Variants in CYTH1 observed in about 807,000 individuals in gnomAD.
CYTH1 encodes cytohesin 1, also known as cytohesin-1.
A neutral mutation model predicts 61.8 loss-of-function variants in CYTH1; 18 were observed. The ratio of observed to expected loss-of-function variants is 0.29; its 90% CI spans 0.20 to 0.43. The LOEUF (loss-of-function observed/expected upper bound fraction) is 0.43. Ranked by LOEUF, CYTH1 falls within the 20% of genes least tolerant of loss-of-function variation. The pLI, the probability that CYTH1 is intolerant of heterozygous loss-of-function variation, is 1.00. For missense variants in CYTH1, 336 were observed against 510.5 expected (o/e 0.66, Z 3.29); for synonymous variants, 174 against 184.3 (o/e 0.94, Z 0.45).
intron 1 of CYTH1, among the ~76,000 whole-genome samples, chr17:78,761,602 G>C (rs1404782600): frequency 6.6e-6 from 1 of 152,158 alleles, no homozygotes; most frequent in Non-Finnish European, 1.5e-5. Context: ...GCCGGGCGTG[G>C]TGGCGGGCAC....
chr17:78,695,873 C>G, intron 10 of CYTH1, 134 bp downstream of exon 10: 1 of 1,273,176 alleles, frequency 7.9e-7, no homozygotes, highest in Non-Finnish European at 1.0e-6. Context: ...AGGGACTGTA[C>G]AATAAGTTAG....
intron 1 of CYTH1, among the ~76,000 whole-genome samples, chr17:78,725,219 C>T (rs1328179423): frequency 6.6e-6 from 1 of 152,188 alleles, no homozygotes; most frequent in Non-Finnish European, 1.5e-5. Flanking sequence ...TTACCTCCTA[C>T]AGGGAGAACT....
At chr17:78,711,393 T>C (rs1164029857) in intron 1 of CYTH1, among the ~76,000 whole-genome samples, 2 of 151,892 alleles carry the variant, frequency 1.3e-5, no homozygotes, top group South Asian at 2.1e-4. Context: ...TTTATATTGA[T>C]TGCACATTGA....
intron 1 of CYTH1, among the ~76,000 whole-genome samples, chr17:78,754,348 T>TC (rs1269345679): frequency 6.6e-6 from 1 of 152,062 alleles, no homozygotes; most frequent in African/African-American, 2.4e-5. Flanking sequence ...TTTTTTGTTT[T>TC]CTTTTTTTTT....
chr17:78,740,571 G>A (rs1461512834), intron 1 of CYTH1, among the ~76,000 whole-genome samples: 1 of 152,120 alleles, frequency 6.6e-6, no homozygotes, highest in Non-Finnish European at 1.5e-5. Flanking sequence ...ACACCACACT[G>A]TCATCTCTAG....
chr17:78,686,078 A>G (rs1327172119), intron 11 of CYTH1, among the ~76,000 whole-genome samples: 1 of 152,170 alleles, frequency 6.6e-6, no homozygotes, highest in Non-Finnish European at 1.5e-5. Context: ...GCCACACTGT[A>G]TCTTTGATTC....
At chr17:78,751,474 C>CAA (rs71309110) in intron 1 of CYTH1, among the ~76,000 whole-genome samples, 2,838 of 145,140 alleles carry the variant, frequency 0.02, 48 homozygotes, top group East Asian at 0.1. Flanking sequence ...CACAAAAATA[C>CAA]AAAAAAAAAA....
At chr17:78,722,562 C>T (rs2093237788) in intron 1 of CYTH1, among the ~76,000 whole-genome samples, 1 of 152,172 alleles carries the variant, frequency 6.6e-6, no homozygotes, top group Non-Finnish European at 1.5e-5. Flanking sequence ...CAACCACTGT[C>T]AGCTTGCACA....
At chr17:78,745,660 G>A (rs565972657) in intron 1 of CYTH1, among the ~76,000 whole-genome samples, 2 of 152,158 alleles carry the variant, frequency 1.3e-5, no homozygotes, top group Non-Finnish European at 2.9e-5. Flanking sequence ...TTGGGAGGCC[G>A]AGGCGGGTGG....
At chr17:78,780,024 G>A (rs888501244) in intron 1 of CYTH1, among the ~76,000 whole-genome samples, 9 of 152,218 alleles carry the variant, frequency 5.9e-5, no homozygotes, top group Admixed American at 4.6e-4. Context: ...TCCTGCCCAC[G>A]GCAGCAGGCA....
chr17:78,756,332 T>G (rs1303391214), intron 1 of CYTH1, among the ~76,000 whole-genome samples: 3 of 152,236 alleles, frequency 2.0e-5, no homozygotes, highest in Non-Finnish European at 2.9e-5. Flanking sequence ...CGCCTCGGCC[T>G]CTCGAAGTGC....
intron 1 of CYTH1, among the ~76,000 whole-genome samples, chr17:78,734,432 C>CTTTTTT (rs10557033): frequency 3.2e-5 from 2 of 62,714 alleles, no homozygotes; most frequent in Admixed American, 2.4e-4. Flanking sequence ...TAAAAAAAAG[C>CTTTTTT]TTTTTTTTTT....
At chr17:78,728,709 C>T (rs1466294846) in intron 1 of CYTH1, among the ~76,000 whole-genome samples, 2 of 152,018 alleles carry the variant, frequency 1.3e-5, no homozygotes, top group Admixed American at 6.6e-5. Context: ...GATTAAAGCA[C>T]GTGAGGCTTT....
chr17:78,702,298 G>C, intron 4 of CYTH1, 58 bp from the exon 5 acceptor site: 1 of 1,414,246 alleles, frequency 7.1e-7, no homozygotes, highest in Non-Finnish European at 1.0e-6. Context: ...TTGAAAAGAA[G>C]GGGAAAGGGC....
intron 1 of CYTH1, among the ~76,000 whole-genome samples, chr17:78,781,223 T>A (rs946312373): frequency 2.0e-5 from 3 of 151,302 alleles, no homozygotes; most frequent in African/African-American, 7.3e-5. Context: ...TAGAATTGGG[T>A]TCCATTTGGC....
rs1384085502 is a variant in CYTH1 at position 78,709,631 on chromosome 17, C to A, written c.105+19G>T. On this transcript the variant is annotated intron_variant, in intron 2 of 13. Transcript: ENST00000446868. ...ACTGTGGTTCTTACGTTGGTGAAAC[C>A]ACCATGCCACTCTCCTACCTGAATG... The A allele has an allele frequency of 1.2e-6, 2 of 1,613,952 alleles. No homozygotes were observed. Among genetic ancestry groups the A allele is most frequent in the South Asian group, 2.2e-5 (2 of 91,046 alleles).
chr17:78,753,908 C>A (rs2093390398), intron 1 of CYTH1, among the ~76,000 whole-genome samples: 1 of 152,022 alleles, frequency 6.6e-6, no homozygotes, highest in African/African-American at 2.4e-5. Context: ...TAAAATAATC[C>A]CTTAAAAAAT....
intron 1 of CYTH1, among the ~76,000 whole-genome samples, chr17:78,735,293 T>C (rs2093315560): frequency 6.6e-6 from 1 of 152,174 alleles, no homozygotes; most frequent in South Asian, 2.1e-4. Context: ...GCACCTCCGG[T>C]GGGTCTGAAG....
chr17:78,731,495 C>T (rs963776359), intron 1 of CYTH1, among the ~76,000 whole-genome samples: 1 of 152,104 alleles, frequency 6.6e-6, no homozygotes, highest in African/African-American at 2.4e-5. Flanking sequence ...CGCGGTGGTT[C>T]ACGCCTGTAA....
Sources: gnomAD v4.1 joint callset for allele counts (sites outside exome capture counted in the v4.1 genomes callset) on GRCh38, gnomAD v4.1.1 for gene constraint, MANE v1.5 for transcripts, NCBI Gene and HGNC (gene_info 2026-07-23, HGNC 2026-07-21) for gene names.